ANGPT2: variants seen among roughly 807,000 people sequenced by gnomAD.
The protein encoded by ANGPT2 is angiopoietin 2.
A neutral mutation model predicts 62.9 loss-of-function variants in ANGPT2; 28 were observed. The ratio of observed to expected loss-of-function variants is 0.44; its 90% CI spans 0.33 to 0.61. ANGPT2 has a LOEUF of 0.61. Among genes scored for constraint, ANGPT2 ranks in the 20% least tolerant of loss-of-function variants. The probability of loss-of-function intolerance (pLI) is 0.03; values close to 1 mark genes in which losing one functional copy is unlikely to be tolerated. For missense variants in ANGPT2, 727 were observed against 594.9 expected, an observed-to-expected ratio of 1.22 and a Z score of -2.31; for synonymous variants, 284 against 207.8, an observed-to-expected ratio of 1.37 and a Z score of -3.15.
chr8:6,527,645 T>G lies in ANGPT2; in HGVS notation c.476A>C (p.Gln159Pro). Reference protein sequence around the residue: ...VLNQTTRLELQLLEHSLSTNK... With the variant: ...VLNQTTRLELPLLEHSLSTNK... ...TGTCGAGAGGGAGTGTTCCAAGAGCTGAAGTTCAAGTCTCGTGGTCTGATT... is the reference window on the plus strand; with the variant it reads ...TGTCGAGAGGGAGTGTTCCAAGAGCGGAAGTTCAAGTCTCGTGGTCTGATT... Residue 159 changes from glutamine to proline, a missense_variant, in exon 3 of 9, where the codon CAG becomes CCG. By Grantham distance (76) the Gln-to-Pro change is moderately conservative (BLOSUM62 -1). Coordinates refer to ENST00000629816, the MANE Select transcript of ANGPT2 (RefSeq NM_001118887.2). The G allele has an allele frequency of 6.2e-7, 1 of 1,613,982 alleles. No individual in the cohort carries two copies. Among genetic ancestry groups the G allele is most frequent in the Non-Finnish European group, 8.5e-7 (1 of 1,179,886 alleles).
At chr8:6,543,734 A>T (rs1822027132) in intron 1 of ANGPT2, among the ~76,000 whole-genome samples, 1 of 152,130 alleles carries the variant, frequency 6.6e-6, no homozygotes, top group Admixed American at 6.5e-5. Context: ...GGATGAGATG[A>T]TCTGTCCCTT....
At chr8:6,559,925 AT>A (rs746051216) in intron 1 of ANGPT2, among the ~76,000 whole-genome samples, 8 of 152,184 alleles carry the variant, frequency 5.3e-5, no homozygotes, top group Non-Finnish European at 1.2e-4. Context: ...TTCCATTCAT[AT>A]TCCTCTGAGT....
intron 1 of ANGPT2, among the ~76,000 whole-genome samples, chr8:6,555,449 C>CA (rs1554450882): frequency 6.7e-6 from 1 of 148,284 alleles, no homozygotes; most frequent in Non-Finnish European, 1.5e-5. Flanking sequence ...ATTTGTTTTA[C>CA]GGGGGGTGGT....
intron 1 of ANGPT2, among the ~76,000 whole-genome samples, chr8:6,535,729 G>A (rs947961667): frequency 6.6e-6 from 1 of 152,128 alleles, no homozygotes; most frequent in Non-Finnish European, 1.5e-5. Flanking sequence ...AAAATGTGCA[G>A]TAGTAGATAT....
intron 1 of ANGPT2, among the ~76,000 whole-genome samples, chr8:6,560,466 G>A (rs977922261): frequency 2.0e-5 from 3 of 152,164 alleles, no homozygotes; most frequent in Non-Finnish European, 4.4e-5. Flanking sequence ...ATCACTTTAA[G>A]TGGGTTTCAT....
In ANGPT2 at chr8:6,532,284, T is replaced by C. The variant is rs139959242; in HGVS notation, c.444+48A>G. The C allele has an allele frequency of 3.8e-5, 62 of 1,611,734 alleles. No individual in the cohort carries two copies. In the African/African-American group the frequency reaches 7.3e-4, roughly 19 times the overall value. ...GGAAGCTCCTGACGCGACTGAGTGC[T>C]AGTCTCTAGCTGCAGGGACACCGTG... is the stretch of plus-strand genomic sequence containing the variant. On this transcript the variant is annotated intron_variant, in intron 2 of 8. Coordinates refer to ENST00000629816, the MANE Select transcript of ANGPT2 (RefSeq NM_001118887.2).
chr8:6,513,936 T>C, intron 6 of ANGPT2, 92 bp from the exon 7 acceptor site: 1 of 1,212,566 alleles, frequency 8.2e-7, no homozygotes, highest in Admixed American at 2.5e-5. Context: ...ATAGAATAAC[T>C]ATCAAATAGC....
Position 6,503,145 on chromosome 8 carries a change from A to G in ANGPT2, c.1444T>C (p.Ser482Pro), listed in dbSNP as rs1812536216. Residue 482 changes from serine (S) to proline (P), a missense_variant, in exon 9 of 9, where the codon TCG becomes CCG. Physicochemically the swap from Ser to Pro is moderately conservative, Grantham distance 74. Coordinates refer to ENST00000629816, the MANE Select transcript of ANGPT2 (RefSeq NM_001118887.2). ...KWYYWKGSGY[S>P]LKATTMMIRP... ...ATCATCATGGTTGTGGCCTTGAGCGAATAGCCTGAGCCTTTCCAGTAGTAC... is the reference window on the plus strand; with the variant it reads ...ATCATCATGGTTGTGGCCTTGAGCGGATAGCCTGAGCCTTTCCAGTAGTAC... The G allele has an allele frequency of 6.2e-7, 1 of 1,614,228 alleles. No homozygotes were observed. The highest frequency in any genetic ancestry group is 8.5e-7 in the Non-Finnish European group (1 of 1,180,040).
intron 1 of ANGPT2, among the ~76,000 whole-genome samples, chr8:6,539,736 A>C (rs1372462617): frequency 2.6e-5 from 4 of 152,080 alleles, no homozygotes; most frequent in Non-Finnish European, 5.9e-5. Flanking sequence ...ACAGGCGCAC[A>C]CCACCATGCC....
chr8:6,544,589 A>AG (rs1294275559), intron 1 of ANGPT2, among the ~76,000 whole-genome samples: 1 of 151,956 alleles, frequency 6.6e-6, no homozygotes, highest in Non-Finnish European at 1.5e-5. Context: ...CATGTATTGG[A>AG]GGGGGAGAGG....
intron 2 of ANGPT2, 32 bp downstream of exon 2, chr8:6,532,300 G>A (rs1819669885): frequency 6.2e-7 from 1 of 1,613,442 alleles, no homozygotes; most frequent in African/African-American, 1.3e-5. Flanking sequence ...CTAGCTGCAG[G>A]GACACCGTGT....
chr8:6,523,739 C>T (rs781615242), intron 3 of ANGPT2, among the ~76,000 whole-genome samples: 1 of 152,112 alleles, frequency 6.6e-6, no homozygotes, highest in African/African-American at 2.4e-5. Context: ...ACAGGTGTGC[C>T]ACCACGCCCA....
intron 1 of ANGPT2, among the ~76,000 whole-genome samples, chr8:6,561,288 T>G (rs1825497989): frequency 6.6e-6 from 1 of 152,246 alleles, no homozygotes; most frequent in African/African-American, 2.4e-5. Flanking sequence ...ACATGAAATC[T>G]ACATTTGATA....
At position 6,521,162 on chromosome 8, in the gene ANGPT2, T is replaced by C. The variant is rs1817260233; in HGVS notation, c.799+16A>G. The C allele has an allele frequency of 6.2e-7, 1 of 1,600,948 alleles. No individual in the cohort carries two copies. Among genetic ancestry groups the C allele is most frequent in the East Asian group, 2.2e-5 (1 of 44,716 alleles). On this transcript the variant is annotated intron_variant, in intron 4 of 8. Coordinates refer to ENST00000629816, the MANE Select transcript of ANGPT2 (RefSeq NM_001118887.2). ...AAGGTTATTAACGCTGAAGAAAGCA[T>C]GATATGTAAACTTACAGTTTGATGT...
In ANGPT2 at chr8:6,527,565, C is replaced by T; in HGVS notation, c.556G>A (p.Asp186Asn). Residue 186 changes from aspartate to asparagine, a missense_variant, in exon 3 of 9, where the codon GAT (aspartate) becomes AAT (asparagine). By Grantham distance (23) the Asp-to-Asn change is conservative. Transcript: ENST00000629816. ...TAGTACTGTTATTACCTGTTCTTAT[C>T]TTGCAATTTGTTTATTTCACTGGTC... ...DQTSEINKLQ[D>N]KNSFLEKKVL... 1.2e-6 allele frequency: 2 copies of T among 1,613,716 alleles called. No individual in the cohort carries two copies. Among genetic ancestry groups the T allele is most frequent in the Non-Finnish European group, 1.7e-6 (2 of 1,179,868 alleles).
intron 1 of ANGPT2, among the ~76,000 whole-genome samples, chr8:6,534,651 T>A (rs542761717): frequency 1.4e-4 from 21 of 152,058 alleles, no homozygotes; most frequent in Admixed American, 5.9e-4. Context: ...TTTAAAAATT[T>A]AAAAAAATAA....
intron 8 of ANGPT2, among the ~76,000 whole-genome samples, chr8:6,506,565 C>G (rs900008877): frequency 6.6e-6 from 1 of 152,190 alleles, no homozygotes; most frequent in African/African-American, 2.4e-5. Flanking sequence ...AAATGGTAGA[C>G]AGGAAACAAA....
chr8:6,527,464 T>C lies in ANGPT2; in HGVS notation c.566+91A>G. ...ACCCTTACACTAGACATGAAGAAAC[T>C]CACCATTCTGATAATTCATCATTTG... On this transcript the variant is annotated intron_variant, in intron 3 of 8. Transcript: ENST00000629816. The C allele has an allele frequency of 2.0e-6, 3 of 1,487,934 alleles. No individual in the cohort carries two copies. The East Asian group carries it at 7.0e-5, about 35-fold the overall frequency. 92.2% of individuals were successfully genotyped at this position (1,487,934 alleles called of 1,614,324 possible).
At chr8:6,526,547 A>G (rs1377770692) in intron 3 of ANGPT2, among the ~76,000 whole-genome samples, 2 of 152,228 alleles carry the variant, frequency 1.3e-5, no homozygotes, top group Non-Finnish European at 2.9e-5. Flanking sequence ...ATGAAAGAAA[A>G]ATATTTGAAT....
Sources: allele counts gnomAD v4.1 joint callset (sites outside exome capture counted in the v4.1 genomes callset), GRCh38; gene constraint gnomAD v4.1.1; transcripts MANE v1.5; gene names NCBI Gene and HGNC (gene_info 2026-07-23, HGNC 2026-07-21).